LAX1: variants seen among roughly 807,000 people sequenced by gnomAD.
LAX1 encodes the protein lymphocyte transmembrane adapter 1.
LAX1 carries 17 observed loss-of-function variants against 20.7 expected under a neutral mutation model. The ratio of observed to expected loss-of-function variants is 0.82; its 90% CI spans 0.56 to 1.23. The LOEUF (loss-of-function observed/expected upper bound fraction) is 1.23, where lower values mean the gene tolerates loss of function less well. Ranked by LOEUF, LAX1 falls within the 50% of genes most tolerant of loss-of-function variation. The pLI, the probability that LAX1 is intolerant of heterozygous loss-of-function variation, is 0.00. For synonymous variants in LAX1, 165 were observed against 181.0 expected (o/e 0.91, Z 0.71); for missense variants, 470 against 487.0 (o/e 0.97, Z 0.33).
At chr1:203,771,948 G>GA in intron 3 of LAX1, 120 bp from the exon 4 acceptor site, 2 of 794,360 alleles carry the variant, frequency 2.5e-6, no homozygotes, top group South Asian at 3.0e-5. Context: ...GAGAACACCA[G>GA]ACCCAAGGCT....
At position 203,770,724 on chromosome 1, in the gene LAX1, C is replaced by A. The variant is rs149198441; in HGVS notation, c.90-104C>A. 1.8e-5 allele frequency: 16 copies of A among 888,172 alleles called. No homozygotes were observed. In the African/African-American group the frequency reaches 2.1e-4, roughly 12 times the overall value. 55.0% of individuals were successfully genotyped at this position (888,172 alleles called of 1,614,324 possible). A position where few individuals can be genotyped will look rare whatever the true frequency, so the allele number is the denominator to read the frequency against. ...CACCCCACCTGGGCTTTCCTTCACT[C>A]GGCTCCCATTCCAAATCTTCAGGCT... is the stretch of plus-strand genomic sequence containing the variant. On this transcript the variant is annotated intron_variant, in intron 1 of 4. Coordinates refer to ENST00000442561, the MANE Select transcript of LAX1 (RefSeq NM_017773.4).
rs758312802 is a variant in LAX1 at position 203,770,814 on chromosome 1, G to A, written c.90-14G>A. 4.3e-5 allele frequency: 69 copies of A among 1,600,960 alleles called. No individual in the cohort carries two copies. The highest frequency in any genetic ancestry group is 1.8e-4 in the Admixed American group (11 of 59,958). The stretch of plus-strand genomic sequence containing the variant: ...CTCCTACAGCTAGCACATGTCATTC[G>A]ATTGTTTTTCTAGAAATAAAGACCA... On this transcript the variant is annotated splice_polypyrimidine_tract_variant and intron_variant, in intron 1 of 4. Transcript: ENST00000442561.
At chr1:203,772,576 C>T (rs12239739) in intron 4 of LAX1, among the ~76,000 whole-genome samples, 42,446 of 151,842 alleles carry the variant, frequency 0.28, 6,251 homozygotes, top group South Asian at 0.36. Context: ...TACAGGCATG[C>T]GCCACCACGC....
chr1:203,765,426 C>T lies in LAX1; in HGVS notation c.-140C>T, dbSNP rs954369119. ...GCTTTTGTATGTTGGGTCAACTTGG[C>T]CTGACGTTTCAGAGGTAGACACGAG... On this transcript the variant is annotated 5_prime_UTR_variant, in exon 1 of 5. Coordinates refer to ENST00000442561, the MANE Select transcript of LAX1 (RefSeq NM_017773.4). The T allele has an allele frequency of 1.9e-6, 3 of 1,552,666 alleles. No homozygotes were observed. The highest frequency in any genetic ancestry group is 2.0e-5 in the Admixed American group (1 of 51,024).
In LAX1 at chr1:203,771,277, C is replaced by G. The variant is rs191904066; in HGVS notation, c.200-90C>G. 4.7e-6 allele frequency: 4 copies of G among 847,424 alleles called. No individual in the cohort carries two copies. In the East Asian group the frequency reaches 9.7e-5, roughly 21 times the overall value. 52.5% of individuals were successfully genotyped at this position (847,424 alleles called of 1,614,324 possible). On this transcript the variant is annotated intron_variant, in intron 2 of 4. Transcript: ENST00000442561. ...TGTGAGAACTGGCAAGGATGGGGAG[C>G]ATTTTCAGGGGCCATCTCATTCCCA...
intron 4 of LAX1, among the ~76,000 whole-genome samples, chr1:203,773,243 G>A (rs1427865499): frequency 1.3e-5 from 2 of 152,106 alleles, no homozygotes; most frequent in African/African-American, 4.8e-5. Context: ...AGGACCAACA[G>A]GTTTGTGTGT....
At chr1:203,769,070 G>A (rs897890262) in intron 1 of LAX1, among the ~76,000 whole-genome samples, 50 of 152,014 alleles carry the variant, frequency 3.3e-4, no homozygotes, top group African/African-American at 1.2e-3. Context: ...CTGTCTGTTA[G>A]GCAACTAGTT....
chr1:203,769,776 G>T (rs1470725088), intron 1 of LAX1: 1 of 152,436 alleles, frequency 6.6e-6, no homozygotes, highest in African/African-American at 2.4e-5. Flanking sequence ...ATTGGTGCGG[G>T]GGGGGGGGCG....
chr1:203,771,134 G>A (rs527864627), intron 2 of LAX1, among the ~76,000 whole-genome samples, 197 bp downstream of exon 2: 22 of 152,312 alleles, frequency 1.4e-4, no homozygotes, highest in Admixed American at 1.2e-3. Context: ...GTTCCCCTGG[G>A]AAAGACATTG....
At chr1:203,773,851 C>G (rs748248259) in intron 4 of LAX1, 24 bp from the exon 5 acceptor site, 4 of 1,393,138 alleles carry the variant, frequency 2.9e-6, no homozygotes, top group Middle Eastern at 3.9e-4. Flanking sequence ...CATCTGACCA[C>G]TGGCTTCCTT....
chr1:203,767,062 G>A lies in LAX1; in HGVS notation c.89+1408G>A, dbSNP rs551999545. Among the ~76,000 whole-genome samples, 123 of 151,934 alleles carry A rather than the reference G, an allele frequency of 8.1e-4. 1 individual carries two copies. Among genetic ancestry groups the A allele is most frequent in the Non-Finnish European group, 1.5e-3 (102 of 67,970 alleles). ...TTTAGTAGAGATGGGGTTTCTTCAT[G>A]TTGGTCAGGCTGGTCTCGAACTCCC... On this transcript the variant is annotated intron_variant, in intron 1 of 4. Transcript: ENST00000442561.
At position 203,774,274 on chromosome 1, in the gene LAX1, A is replaced by T. The variant is rs752698371; in HGVS notation, c.790A>T (p.Ile264Phe). Reference sequence around the variant, plus strand: ...CAGCAATGGAGAAGGTTCTTCTCAGATCTCAAATGACTATGTCAACATGAC... The same window carrying T: ...CAGCAATGGAGAAGGTTCTTCTCAGTTCTCAAATGACTATGTCAACATGAC... Reference protein sequence around the residue: ...SLSNGEGSSQISNDYVNMTGL... With the variant: ...SLSNGEGSSQFSNDYVNMTGL... Residue 264 changes from isoleucine to phenylalanine, a missense_variant, in exon 5 of 5, where the codon ATC becomes TTC. Ile to Phe is a conservative substitution (Grantham distance 21). Coordinates refer to ENST00000442561, the MANE Select transcript of LAX1 (RefSeq NM_017773.4). 1 of 1,614,200 alleles carries T rather than the reference A, an allele frequency of 6.2e-7. No homozygotes were observed. The highest frequency in any genetic ancestry group is 8.5e-7 in the Non-Finnish European group (1 of 1,180,046).
intron 1 of LAX1, among the ~76,000 whole-genome samples, chr1:203,767,532 T>C (rs1385890788): frequency 6.6e-6 from 1 of 151,644 alleles, no homozygotes; most frequent in Admixed American, 6.6e-5. Flanking sequence ...GGTCTCGAAC[T>C]CCTTACCTCA....
chr1:203,770,527 A>AAGAGACAGAGAG (rs1667400313), intron 1 of LAX1, among the ~76,000 whole-genome samples: 1 of 136,228 alleles, frequency 7.3e-6, no homozygotes, highest in Non-Finnish European at 1.5e-5. Context: ...GAAAGAAAGA[A>AAGAGACAGAGAG]AGAAAGAAAG....
At chr1:203,770,965 G>A (rs769286982) in intron 2 of LAX1, 28 bp downstream of exon 2, 27 of 1,493,780 alleles carry the variant, frequency 1.8e-5, no homozygotes, top group Middle Eastern at 1.7e-4. Flanking sequence ...CCTGAGTTGA[G>A]ACACAGTAGG....
At chr1:203,765,752 C>G (rs2102261579) in intron 1 of LAX1, 98 bp downstream of exon 1, 1 of 1,115,358 alleles carries the variant, frequency 9.0e-7, no homozygotes, top group South Asian at 1.3e-5. Flanking sequence ...GCTGCCACCT[C>G]TCAACACCCA....
chr1:203,768,328 C>T (rs1271579958), intron 1 of LAX1, among the ~76,000 whole-genome samples: 3 of 152,224 alleles, frequency 2.0e-5, no homozygotes, highest in South Asian at 4.2e-4. Flanking sequence ...AAAGATATAT[C>T]AATCAGTCAT....
intron 1 of LAX1, 92 bp from the exon 2 acceptor site, chr1:203,770,736 C>A: frequency 9.5e-7 from 1 of 1,049,302 alleles, no homozygotes; most frequent in Non-Finnish European, 1.5e-6. Context: ...GCTCCCATTC[C>A]AAATCTTCAG....
In LAX1 at chr1:203,771,421, CCAGA is replaced by C. The variant is rs1558071422; in HGVS notation, c.257_260del (p.Arg86LysfsTer120). The C allele has an allele frequency of 6.2e-7, 1 of 1,614,016 alleles. No homozygotes were observed. ...ATGCCCTTGCTGACTTTGCCACAAACCAGACAAAGAGCCAAAAATATTTATGACA... is the reference window on the plus strand; with the variant it reads ...ATGCCCTTGCTGACTTTGCCACAAACCAAAGAGCCAAAAATATTTATGACA... On this transcript the variant is annotated frameshift_variant, in exon 3 of 5. Transcript: ENST00000442561. LOFTEE classifies it high-confidence loss of function.
Sources: gnomAD v4.1 joint callset for allele counts (sites outside exome capture counted in the v4.1 genomes callset) on GRCh38, gnomAD v4.1.1 for gene constraint, MANE v1.5 for transcripts, NCBI Gene and HGNC (gene_info 2026-07-23, HGNC 2026-07-21) for gene names.